Variants in SRBD1 observed in about 807,000 individuals in gnomAD.
SRBD1 encodes S1 RNA-binding domain-containing protein 1.
In SRBD1, 88 loss-of-function variants were observed where a neutral mutation model predicts 115.3. The ratio of observed to expected loss-of-function variants is 0.76; its 90% CI spans 0.64 to 0.91. The LOEUF is 0.91. Among genes scored for constraint, SRBD1 ranks in the 40% least tolerant of loss-of-function variants. The probability of loss-of-function intolerance (pLI) is 0.00; values close to 1 mark genes in which losing one functional copy is unlikely to be tolerated. For missense variants in SRBD1, 1,385 were observed against 1,177.4 expected (o/e 1.18, Z -2.58); for synonymous variants, 509 against 407.7 (o/e 1.25, Z -2.99).
intron 16 of SRBD1, among the ~76,000 whole-genome samples, chr2:45,455,730 T>C (rs1669131831): frequency 6.6e-6 from 1 of 151,752 alleles, no homozygotes; most frequent in Non-Finnish European, 1.5e-5. Context: ...TTTTTTAAAG[T>C]TGACTTTAAC....
chr2:45,492,397 G>A (rs1670324427), intron 14 of SRBD1, among the ~76,000 whole-genome samples: 1 of 152,094 alleles, frequency 6.6e-6, no homozygotes, highest in Non-Finnish European at 1.5e-5. Context: ...GAGATGGGAA[G>A]GTGAGATTAT....
chr2:45,442,605 C>T (rs3770255), intron 16 of SRBD1, among the ~76,000 whole-genome samples: 10,558 of 152,176 alleles, frequency 0.069, 509 homozygotes, highest in East Asian at 0.13. Flanking sequence ...GGTATAGGAA[C>T]CAAATGTTGG....
At chr2:45,449,838 T>C (rs563875850) in intron 16 of SRBD1, among the ~76,000 whole-genome samples, 2 of 152,304 alleles carry the variant, frequency 1.3e-5, no homozygotes, top group Admixed American at 6.5e-5. Context: ...TTGAGTCAAC[T>C]ACTTCAATTC....
At chr2:45,423,921 C>G (rs986571105) in intron 16 of SRBD1, among the ~76,000 whole-genome samples, 3 of 152,098 alleles carry the variant, frequency 2.0e-5, no homozygotes, top group Admixed American at 2.0e-4. Context: ...AAAACAATCT[C>G]TCTTGACATT....
intron 16 of SRBD1, among the ~76,000 whole-genome samples, chr2:45,466,699 T>C (rs1178004195): frequency 1.3e-5 from 2 of 152,232 alleles, no homozygotes; most frequent in African/African-American, 4.8e-5. Context: ...TTCATCTTGG[T>C]TGTGTTTCAC....
At chr2:45,534,878 A>T (rs1671719890) in intron 14 of SRBD1, among the ~76,000 whole-genome samples, 1 of 152,002 alleles carries the variant, frequency 6.6e-6, no homozygotes, top group Admixed American at 6.6e-5. Context: ...CAGGTGGTTC[A>T]GGACAGGGGA....
At chr2:45,541,315 C>T (rs1671928382) in intron 14 of SRBD1, among the ~76,000 whole-genome samples, 1 of 152,224 alleles carries the variant, frequency 6.6e-6, no homozygotes, top group Admixed American at 6.5e-5. Context: ...GTGCCATAGC[C>T]CTGGCTTAGG....
intron 20 of SRBD1, among the ~76,000 whole-genome samples, chr2:45,390,047 C>A (rs1666955488): frequency 1.3e-5 from 2 of 152,092 alleles, no homozygotes; most frequent in South Asian, 4.2e-4. Context: ...GTAGAAAGTA[C>A]ATCAACTTTT....
chr2:45,535,754 G>C (rs1174587162), intron 14 of SRBD1, among the ~76,000 whole-genome samples: 4 of 151,986 alleles, frequency 2.6e-5, no homozygotes, highest in Non-Finnish European at 4.4e-5. Flanking sequence ...CAAATCAAAA[G>C]AGAAGTTGAA....
chr2:45,466,772 C>G (rs1669501206), intron 16 of SRBD1, among the ~76,000 whole-genome samples: 1 of 152,158 alleles, frequency 6.6e-6, no homozygotes, highest in South Asian at 2.1e-4. Flanking sequence ...AATTTTCCTC[C>G]TACATTACAT....
At chr2:45,505,981 C>T (rs770091477) in intron 14 of SRBD1, among the ~76,000 whole-genome samples, 23 of 152,172 alleles carry the variant, frequency 1.5e-4, no homozygotes, top group Non-Finnish European at 3.2e-4. Context: ...AGTCAATTAT[C>T]ATTTTTGTCT....
intron 18 of SRBD1, among the ~76,000 whole-genome samples, chr2:45,416,144 C>A (rs1667825377): frequency 6.6e-6 from 1 of 151,108 alleles, no homozygotes; most frequent in Non-Finnish European, 1.5e-5. Flanking sequence ...AAGAATAAGC[C>A]CAAACATATA....
chr2:45,468,650 A>G (rs1669562679), intron 16 of SRBD1, among the ~76,000 whole-genome samples: 2 of 152,064 alleles, frequency 1.3e-5, no homozygotes, highest in African/African-American at 4.8e-5. Flanking sequence ...GGCCTCCCAA[A>G]GTGTTGGGAT....
intron 10 of SRBD1, among the ~76,000 whole-genome samples, chr2:45,560,052 G>C (rs1672610622): frequency 1.3e-5 from 2 of 152,110 alleles, no homozygotes; most frequent in South Asian, 4.2e-4. Flanking sequence ...CTGCACTCCA[G>C]CATGAGTGAC....
intron 11 of SRBD1, among the ~76,000 whole-genome samples, chr2:45,552,556 TAAAAAG>T (rs781608124): frequency 2.6e-5 from 4 of 151,858 alleles, no homozygotes; most frequent in Non-Finnish European, 4.4e-5. Context: ...GAGAAAACAA[TAAAAAG>T]AAAAACATAC....
intron 11 of SRBD1, among the ~76,000 whole-genome samples, chr2:45,551,735 A>C (rs1417393703): frequency 1.3e-5 from 2 of 152,194 alleles, no homozygotes; most frequent in Non-Finnish European, 2.9e-5. Flanking sequence ...AAGTAAAAAG[A>C]AACAGCGAGA....
chr2:45,398,164 T>C (rs932932980), intron 19 of SRBD1, among the ~76,000 whole-genome samples: 2 of 152,188 alleles, frequency 1.3e-5, no homozygotes, highest in East Asian at 3.8e-4. Context: ...ACCGTTTTTT[T>C]ACAGTAAATT....
intron 17 of SRBD1, among the ~76,000 whole-genome samples, chr2:45,419,455 G>A (rs928352584): frequency 1.1e-4 from 16 of 152,130 alleles, no homozygotes; most frequent in African/African-American, 3.6e-4. Flanking sequence ...CATGCAAGAG[G>A]CTTAACTAGT....
chr2:45,562,168 T>C (rs1173318426), intron 10 of SRBD1, among the ~76,000 whole-genome samples: 2 of 152,164 alleles, frequency 1.3e-5, no homozygotes, highest in Non-Finnish European at 2.9e-5. Context: ...CTTATTTTAT[T>C]ATTTTTTTTA....
Sources: gnomAD v4.1 joint callset for allele counts (sites outside exome capture counted in the v4.1 genomes callset) on GRCh38, gnomAD v4.1.1 for gene constraint, MANE v1.5 for transcripts, NCBI Gene and HGNC (gene_info 2026-07-23, HGNC 2026-07-21) for gene names.